Variants in LAMB1 observed in about 807,000 individuals in gnomAD.
LAMB1 encodes the protein laminin subunit beta 1.
Under a neutral mutation model 222.3 loss-of-function variants are expected in LAMB1, and 121 were observed. The observed-to-expected ratio is 0.54, with a 90% CI of 0.47 to 0.63. The LOEUF is 0.63. Among genes scored for constraint, LAMB1 ranks in the 30% least tolerant of loss-of-function variants. The pLI is 0.00. For missense variants in LAMB1, 2,172 were observed against 2,240.8 expected (o/e 0.97, Z 0.62); for synonymous variants, 794 against 807.2 (o/e 0.98, Z 0.28).
intron 5 of LAMB1, among the ~76,000 whole-genome samples, chr7:107,990,670 A>T (rs1323019103): frequency 6.6e-6 from 1 of 152,202 alleles, no homozygotes; most frequent in Non-Finnish European, 1.5e-5. Context: ...TTCTGCTTCT[A>T]ATCTTTCTCC....
intron 3 of LAMB1, among the ~76,000 whole-genome samples, chr7:108,000,461 G>A (rs2034360627): frequency 6.6e-6 from 1 of 152,330 alleles, no homozygotes; most frequent in African/African-American, 2.4e-5. Context: ...GGCTGACCAT[G>A]TTCTGAGCAA....
intron 29 of LAMB1, among the ~76,000 whole-genome samples, chr7:107,930,938 T>C (rs1234788821): frequency 2.0e-5 from 3 of 152,218 alleles, no homozygotes; most frequent in Non-Finnish European, 4.4e-5. Context: ...CCATCTTTAC[T>C]GGTAACACTT....
chr7:107,960,662 G>C lies in LAMB1; in HGVS notation c.2110-13C>G. On this transcript the variant is annotated splice_polypyrimidine_tract_variant and intron_variant, in intron 17 of 33. Transcript: ENST00000222399. ...GCATGAGAACAAGCTGTGAAGAAAT[G>C]AGAACGGCCAAACATCCTTACAGTG... The C allele has an allele frequency of 6.2e-7, 1 of 1,612,426 alleles. No homozygotes were observed. The highest frequency in any genetic ancestry group is 8.5e-7 in the Non-Finnish European group (1 of 1,178,372).
Position 108,001,739 on chromosome 7 carries a change from G to A in LAMB1, c.38-6C>T, listed in dbSNP as rs768420944. On this transcript the variant is annotated splice_polypyrimidine_tract_variant and splice_region_variant and intron_variant, in intron 2 of 33. Transcript: ENST00000222399. ...CACTCGGGCTCTGCACAGGGCTGCG[G>A]GAAGGACAGGCAACAGAGTTGGGGG... is the stretch of plus-strand genomic sequence containing the variant. 2 of 1,612,420 alleles carry A rather than the reference G, an allele frequency of 1.2e-6. No individual in the cohort carries two copies. The highest frequency in any genetic ancestry group is 2.2e-5 in the South Asian group (2 of 90,922).
Position 107,926,168 on chromosome 7 carries a change from CA to C in LAMB1, c.5064+14del. On this transcript the variant is annotated intron_variant, in intron 32 of 33. Coordinates refer to ENST00000222399, the MANE Select transcript of LAMB1 (RefSeq NM_002291.3). ...CTTTAACAACATAGCTCTGAAATTA[CA>C]AAGATTTACGTACCTTCTTAACATC... The C allele has an allele frequency of 6.2e-7, 1 of 1,606,368 alleles. No homozygotes were observed. Among genetic ancestry groups the C allele is most frequent in the Non-Finnish European group, 8.5e-7 (1 of 1,173,634 alleles).
intron 22 of LAMB1, 47 bp from the exon 23 acceptor site, chr7:107,952,270 C>T (rs751310829): frequency 7.0e-7 from 1 of 1,418,532 alleles, no homozygotes; most frequent in Non-Finnish European, 9.7e-7. Context: ...CCCAAATACA[C>T]AGGCATGCGG....
intron 13 of LAMB1, among the ~76,000 whole-genome samples, chr7:107,968,602 A>C (rs949159153): frequency 6.6e-6 from 1 of 152,214 alleles, no homozygotes; most frequent in African/African-American, 2.4e-5. Flanking sequence ...GAGCTGTGAC[A>C]TAAGAAGGAT....
At position 107,986,302 on chromosome 7, in the gene LAMB1, A is replaced by G; in HGVS notation, c.485T>C (p.Val162Ala). The G allele has an allele frequency of 6.2e-7, 1 of 1,613,132 alleles. No individual in the cohort carries two copies. Among genetic ancestry groups the G allele is most frequent in the East Asian group, 2.2e-5 (1 of 44,848 alleles). Residue 162 changes from valine to alanine, a missense_variant, in exon 6 of 34, where the codon GTG becomes GCG. By Grantham distance (64) the Val-to-Ala change is moderately conservative (BLOSUM62 0). Transcript: ENST00000222399. ...RSSDFGKTWG[V>A]YRYFAYDCEA... Reference sequence around the variant, plus strand: ...ACAGTCATAGGCGAAGTATCTATACACACCCCAGGTTTTCCCAAAGTCGGA... The same window carrying G: ...ACAGTCATAGGCGAAGTATCTATACGCACCCCAGGTTTTCCCAAAGTCGGA...
At position 107,995,928 on chromosome 7, in the gene LAMB1, A is replaced by G. The variant is rs552497868; in HGVS notation, c.350-968T>C. Among the ~76,000 whole-genome samples the G allele has an allele frequency of 7.2e-5, 11 of 152,164 alleles. No homozygotes were observed. In the South Asian group the frequency reaches 1.5e-3, roughly 20 times the overall value. ...TTTTGAAATAAACTCTTGCTGGAAA[A>G]TTGCCAAGTCAATTGAGGGGGCGGG... is the stretch of plus-strand genomic sequence containing the variant. On this transcript the variant is annotated intron_variant, in intron 4 of 33. Coordinates refer to ENST00000222399, the MANE Select transcript of LAMB1 (RefSeq NM_002291.3).
At chr7:107,954,352 G>A (rs1584502902) in intron 21 of LAMB1, among the ~76,000 whole-genome samples, 1 of 129,844 alleles carries the variant, frequency 7.7e-6, no homozygotes, top group East Asian at 2.2e-4. Context: ...TTTTTTTTTG[G>A]AGAGATGGTG....
chr7:107,959,883 C>G, intron 18 of LAMB1, 49 bp from the exon 19 acceptor site: 3 of 1,583,830 alleles, frequency 1.9e-6, no homozygotes, highest in Non-Finnish European at 2.6e-6. Context: ...AGCACATCAT[C>G]GGGCTCTCCC....
intron 8 of LAMB1, 111 bp downstream of exon 8, chr7:107,980,498 T>C: frequency 1.2e-6 from 1 of 855,574 alleles, no homozygotes; most frequent in Non-Finnish European, 1.9e-6. Flanking sequence ...AATGTAACTC[T>C]GTAAAACTAA....
In LAMB1 at chr7:107,935,230, T is replaced by A. The variant is rs573336610; in HGVS notation, c.4188+185A>T. 138 of 789,366 alleles carry A rather than the reference T, an allele frequency of 1.7e-4. No homozygotes were observed. In the East Asian group the frequency reaches 2.8e-3, roughly 16 times the overall value. The allele number at this position is 789,366 out of a possible 1,614,324, so 48.9% of individuals were successfully genotyped here. On this transcript the variant is annotated intron_variant, in intron 27 of 33. Transcript: ENST00000222399. ...AACCCATATGCTGCTGCTTTTAATC[T>A]GTCTTGGTTACAGATACCCCATTCC...
chr7:107,951,977 T>A (rs1295993459), intron 23 of LAMB1, 32 bp downstream of exon 23: 18 of 1,572,164 alleles, frequency 1.1e-5, no homozygotes, highest in Non-Finnish European at 1.5e-5. Context: ...CCTGAGCTCA[T>A]AAAGGCATCA....
chr7:108,001,374 G>C (rs905056493), intron 3 of LAMB1, among the ~76,000 whole-genome samples, 184 bp downstream of exon 3: 2 of 152,224 alleles, frequency 1.3e-5, no homozygotes, highest in African/African-American at 4.8e-5. Flanking sequence ...AATGTGTGGC[G>C]GATGCAACTG....
At chr7:107,933,621 A>G (rs1003801573) in intron 27 of LAMB1, among the ~76,000 whole-genome samples, 5 of 151,160 alleles carry the variant, frequency 3.3e-5, no homozygotes, top group African/African-American at 7.4e-5. Flanking sequence ...AAAACACAGT[A>G]TGGCTCTAGC....
At chr7:107,980,941 G>A (rs1281482537) in intron 7 of LAMB1, 130 bp from the exon 8 acceptor site, 1 of 608,592 alleles carries the variant, frequency 1.6e-6, no homozygotes, top group Admixed American at 2.9e-5. Context: ...CCTCTTGTAT[G>A]ATCTAGATGA....
intron 24 of LAMB1, among the ~76,000 whole-genome samples, chr7:107,949,011 G>GT (rs1034767479): frequency 1.3e-3 from 196 of 152,290 alleles, no homozygotes; most frequent in Non-Finnish European, 2.1e-3. Flanking sequence ...CTTAGTTTCT[G>GT]TTTTTTATCG....
At chr7:107,990,133 G>A (rs1325450536) in intron 5 of LAMB1, among the ~76,000 whole-genome samples, 1 of 151,966 alleles carries the variant, frequency 6.6e-6, no homozygotes, top group Non-Finnish European at 1.5e-5. Context: ...TGACCTCCCG[G>A]GCTCAAGCAA....
Sources: gnomAD v4.1 joint callset for allele counts (sites outside exome capture counted in the v4.1 genomes callset) on GRCh38, gnomAD v4.1.1 for gene constraint, MANE v1.5 for transcripts, NCBI Gene and HGNC (gene_info 2026-07-23, HGNC 2026-07-21) for gene names.